Variants in MCC observed in about 807,000 individuals in gnomAD.
The protein encoded by MCC is colorectal mutant cancer protein.
MCC carries 90 observed loss-of-function variants against 116.2 expected under a neutral mutation model. That is an observed-to-expected ratio of 0.77 (90% CI 0.65 to 0.92). The LOEUF is 0.92. Ranked by LOEUF, MCC falls within the 40% of genes least tolerant of loss-of-function variation. The probability of loss-of-function intolerance (pLI) is 0.00; values close to 1 mark genes in which losing one functional copy is unlikely to be tolerated. For synonymous variants in MCC, 578 were observed against 510.5 expected, an observed-to-expected ratio of 1.13 and a Z score of -1.78; for missense variants, 1,516 against 1,312.2, an observed-to-expected ratio of 1.16 and a Z score of -2.40.
chr5:113,187,687 G>A (rs540687028), intron 3 of MCC, among the ~76,000 whole-genome samples: 4 of 151,520 alleles, frequency 2.6e-5, no homozygotes, highest in African/African-American at 4.8e-5. Flanking sequence ...CCCAGGAGGC[G>A]GAGCTTGCAG....
chr5:113,386,427 C>T (rs1769256320), intron 1 of MCC, among the ~76,000 whole-genome samples: 1 of 152,088 alleles, frequency 6.6e-6, no homozygotes, highest in African/African-American at 2.4e-5. Context: ...CTCATTCACT[C>T]CTCCTTATCC....
chr5:113,483,642 C>G (rs776513761), intron 1 of MCC, among the ~76,000 whole-genome samples: 19 of 152,182 alleles, frequency 1.2e-4, no homozygotes, highest in Non-Finnish European at 2.4e-4. Flanking sequence ...CACATATCCT[C>G]AAAGACCTAA....
intron 3 of MCC, among the ~76,000 whole-genome samples, chr5:113,167,546 A>C (rs1341521922): frequency 6.6e-6 from 1 of 152,190 alleles, no homozygotes. Context: ...TAACTTCAAC[A>C]GACTGAAACT....
intron 3 of MCC, among the ~76,000 whole-genome samples, chr5:113,307,600 T>C (rs1025896534): frequency 2.6e-5 from 4 of 152,228 alleles, no homozygotes; most frequent in African/African-American, 9.6e-5. Flanking sequence ...GAGATTTTTT[T>C]ACTTCTTCTT....
At chr5:113,390,396 G>A (rs566459115) in intron 1 of MCC, among the ~76,000 whole-genome samples, 4 of 152,148 alleles carry the variant, frequency 2.6e-5, no homozygotes, top group Non-Finnish European at 5.9e-5. Flanking sequence ...AGAGGAGCTG[G>A]CCAAGTCAGG....
intron 3 of MCC, chr5:113,204,381 G>C (rs756644268): frequency 1.3e-5 from 2 of 152,142 alleles, no homozygotes; most frequent in Non-Finnish European, 2.9e-5. Context: ...TGTGTGGATA[G>C]CTAGTTAAAA....
intron 1 of MCC, among the ~76,000 whole-genome samples, chr5:113,430,567 C>T (rs768944923): frequency 6.6e-6 from 1 of 152,186 alleles, no homozygotes; most frequent in Non-Finnish European, 1.5e-5. Context: ...ACAGGAAGGA[C>T]AATTCCTCAG....
chr5:113,115,252 C>A (rs748857623), intron 6 of MCC, among the ~76,000 whole-genome samples: 1 of 152,190 alleles, frequency 6.6e-6, no homozygotes, highest in African/African-American at 2.4e-5. Context: ...ACCCCTGTCA[C>A]GAGGCCTGAG....
Position 113,023,450 on chromosome 5 carries a change from T to C in MCC, c.*3852A>G, listed in dbSNP as rs1225689477. On this transcript the variant is annotated 3_prime_UTR_variant, in exon 19 of 19. Transcript: ENST00000408903. Reference sequence around the variant, plus strand: ...TATAGTGTTCTACAAAGCCATCACCTTCTGCAGAAAAAAAATGTTACTTAT... The same window carrying C: ...TATAGTGTTCTACAAAGCCATCACCCTCTGCAGAAAAAAAATGTTACTTAT... The C allele has an allele frequency of 6.6e-6, 1 of 152,286 alleles. No individual in the cohort carries two copies. The highest frequency in any genetic ancestry group is 1.5e-5 in the Non-Finnish European group (1 of 68,088). The allele number at this position is 152,286 out of a possible 1,614,324, so 9.4% of individuals were successfully genotyped here.
At chr5:113,078,697 A>G (rs534872162) in intron 11 of MCC, among the ~76,000 whole-genome samples, 12 of 152,328 alleles carry the variant, frequency 7.9e-5, no homozygotes, top group African/African-American at 2.6e-4. Flanking sequence ...CCCACAGCCA[A>G]TATCATACTG....
Position 113,158,030 on chromosome 5 carries a change from C to A in MCC, c.628-6608G>T, listed in dbSNP as rs745415276. Among the ~76,000 whole-genome samples the A allele has an allele frequency of 2.0e-5, 3 of 152,206 alleles. No homozygotes were observed. In the South Asian group the frequency reaches 6.2e-4, roughly 32 times the overall value. The stretch of plus-strand genomic sequence containing the variant: ...GGGGAGCACAGACAGTGCAGATATG[C>A]TGGACAAAGGAAGGAGCCCTTCCCC... On this transcript the variant is annotated intron_variant, in intron 3 of 18. Coordinates refer to ENST00000408903, the MANE Select transcript of MCC (RefSeq NM_001085377.2).
At chr5:113,076,651 C>G (rs1754476471) in intron 11 of MCC, among the ~76,000 whole-genome samples, 1 of 152,104 alleles carries the variant, frequency 6.6e-6, no homozygotes, top group Admixed American at 6.5e-5. Context: ...ACAAGAGCTC[C>G]TAAAGGAAGC....
At chr5:113,337,732 A>T (rs1005047282) in intron 3 of MCC, among the ~76,000 whole-genome samples, 28 of 152,204 alleles carry the variant, frequency 1.8e-4, no homozygotes, top group African/African-American at 6.5e-4. Flanking sequence ...TAAAAGAAAA[A>T]TAATAAAACT....
intron 2 of MCC, among the ~76,000 whole-genome samples, chr5:113,352,477 TGCCCTCCAACA>T (rs1768295582): frequency 6.6e-6 from 1 of 152,034 alleles, no homozygotes; most frequent in Non-Finnish European, 1.5e-5. Context: ...TCTGCTTGCC[TGCCCTCCAACA>T]GATTTTGAGA....
intron 5 of MCC, among the ~76,000 whole-genome samples, chr5:113,131,573 T>C (rs930431152): frequency 6.6e-6 from 1 of 152,094 alleles, no homozygotes; most frequent in African/African-American, 2.4e-5. Context: ...TTAACTTAGT[T>C]CCATGCCTGC....
intron 6 of MCC, among the ~76,000 whole-genome samples, chr5:113,119,889 CAG>C (rs1757633739): frequency 6.6e-6 from 1 of 152,176 alleles, no homozygotes; most frequent in Non-Finnish European, 1.5e-5. Flanking sequence ...CCCCATGGCG[CAG>C]ATAGGTGGAC....
intron 3 of MCC, among the ~76,000 whole-genome samples, chr5:113,212,703 C>T (rs1763176648): frequency 6.6e-6 from 1 of 152,196 alleles, no homozygotes; most frequent in African/African-American, 2.4e-5. Flanking sequence ...AGGTGCTCTT[C>T]CTTCTATTCA....
At chr5:113,141,697 T>A (rs1048407689) in intron 5 of MCC, among the ~76,000 whole-genome samples, 3 of 152,228 alleles carry the variant, frequency 2.0e-5, no homozygotes, top group African/African-American at 7.2e-5. Context: ...TCTCCACAGA[T>A]GTAGTCTTCC....
At chr5:113,181,908 G>C (rs549639747) in intron 3 of MCC, among the ~76,000 whole-genome samples, 2 of 152,306 alleles carry the variant, frequency 1.3e-5, no homozygotes, top group South Asian at 4.2e-4. Flanking sequence ...TTGCCACGCA[G>C]ATATGTTGCT....
Sources: allele counts gnomAD v4.1 joint callset (sites outside exome capture counted in the v4.1 genomes callset), GRCh38; gene constraint gnomAD v4.1.1; transcripts MANE v1.5; gene names NCBI Gene and HGNC (gene_info 2026-07-23, HGNC 2026-07-21).